Variants in EML1 observed in about 807,000 individuals in gnomAD.
EML1 encodes the protein echinoderm microtubule-associated protein-like 1.
A neutral mutation model predicts 110.4 loss-of-function variants in EML1; 27 were observed. That is an observed-to-expected ratio of 0.24 (90% confidence interval 0.18 to 0.34). The LOEUF (loss-of-function observed/expected upper bound fraction) is 0.34. Ranked by LOEUF, EML1 falls within the 10% of genes least tolerant of loss-of-function variation. EML1 has a pLI of 1.00. For missense variants in EML1, 741 were observed against 1,030.9 expected (o/e 0.72, Z 3.85); for synonymous variants, 344 against 385.8 (o/e 0.89, Z 1.27).
intron 9 of EML1, 135 bp downstream of exon 9, chr14:99,901,174 TG>T (rs2059757162): frequency 7.0e-6 from 5 of 717,890 alleles, no homozygotes; most frequent in Non-Finnish European, 1.2e-5. Flanking sequence ...GAAACATTCC[TG>T]CTTCCCAGAA....
intron 3 of EML1, chr14:99,875,068 A>G: frequency 2.2e-6 from 3 of 1,385,992 alleles, no homozygotes; most frequent in South Asian, 2.4e-5. Context: ...AGTAGCTTCA[A>G]GGTCTTGTCC....
chr14:99,856,656 C>T (rs571695334), intron 2 of EML1, among the ~76,000 whole-genome samples: 4 of 152,294 alleles, frequency 2.6e-5, no homozygotes, highest in African/African-American at 9.6e-5. Context: ...TTGTTTCTCT[C>T]ATTAGCTGCC....
intron 1 of EML1, among the ~76,000 whole-genome samples, chr14:99,765,452 A>G (rs984784082): frequency 1.4e-4 from 22 of 152,218 alleles, no homozygotes; most frequent in African/African-American, 4.1e-4. Flanking sequence ...CTCTAGGTAC[A>G]TCATGTGAGT....
At chr14:99,852,488 G>GC (rs913389527) in intron 2 of EML1, among the ~76,000 whole-genome samples, 1 of 152,150 alleles carries the variant, frequency 6.6e-6, no homozygotes, top group African/African-American at 2.4e-5. Flanking sequence ...GGTAGCAAGT[G>GC]CCCGTGGTCC....
rs117724988 is a variant in EML1 at position 99,748,797 on chromosome 14, A to C, written c.28+10937A>C. On this transcript the variant is annotated intron_variant, in intron 1 of 10. Coordinates refer to the EML1 transcript ENST00000554479. ...TCCGTCGTCCACGGAAAAATCCAATACCCATTAGTAGCGACCCCTTCTAGC... is the reference window on the plus strand; with the variant it reads ...TCCGTCGTCCACGGAAAAATCCAATCCCCATTAGTAGCGACCCCTTCTAGC... 6.0e-4 allele frequency among the ~76,000 whole-genome samples: 92 copies of C among 152,264 alleles called. No individual in the cohort carries two copies. In the East Asian group the frequency reaches 0.017, roughly 28 times the overall value.
chr14:99,808,360 T>C (rs1307501233), intron 1 of EML1, among the ~76,000 whole-genome samples: 1 of 152,194 alleles, frequency 6.6e-6, no homozygotes, highest in Non-Finnish European at 1.5e-5. Flanking sequence ...TAAATTATTA[T>C]AAGAGACAAG....
chr14:99,768,823 T>C (rs912496549), upstream of EML1, among the ~76,000 whole-genome samples: 72 of 151,920 alleles, frequency 4.7e-4, no homozygotes, highest in African/African-American at 1.7e-3. Flanking sequence ...GTTCAAGTGA[T>C]TGTCCTGCCT....
intron 17 of EML1, among the ~76,000 whole-genome samples, chr14:99,928,385 C>G (rs2060306074): frequency 6.6e-6 from 1 of 151,974 alleles, no homozygotes; most frequent in Non-Finnish European, 1.5e-5. Flanking sequence ...TACTTGTTCT[C>G]TGGCATAACA....
At chr14:99,916,052 A>G (rs1393932898) in intron 15 of EML1, among the ~76,000 whole-genome samples, 2 of 152,224 alleles carry the variant, frequency 1.3e-5, no homozygotes, top group Non-Finnish European at 2.9e-5. Flanking sequence ...GAACAGTGTT[A>G]TATGTTCTAC....
intron 1 of EML1, among the ~76,000 whole-genome samples, chr14:99,777,420 T>C (rs896243649): frequency 6.6e-6 from 1 of 152,160 alleles, no homozygotes; most frequent in Non-Finnish European, 1.5e-5. Context: ...TTTTTTTGTT[T>C]CTTTTTGTTT....
chr14:99,826,257 C>T (rs1405918271), intron 1 of EML1, among the ~76,000 whole-genome samples: 3 of 151,950 alleles, frequency 2.0e-5, no homozygotes, highest in Non-Finnish European at 2.9e-5. Flanking sequence ...GGATTACAGG[C>T]ATGTGCCACC....
upstream of EML1, chr14:99,793,310 C>T (rs2057703281): frequency 6.7e-6 from 6 of 895,906 alleles, no homozygotes; most frequent in Non-Finnish European, 8.0e-6. Context: ...CGCGCGGCTG[C>T]GGCGGCGGCG....
At chr14:99,852,215 C>T (rs2058822040) in intron 2 of EML1, among the ~76,000 whole-genome samples, 1 of 152,220 alleles carries the variant, frequency 6.6e-6, no homozygotes, top group Non-Finnish European at 1.5e-5. Flanking sequence ...TAGCCAGAAT[C>T]ACTCTTCCTC....
At chr14:99,916,136 C>CT (rs2060031234) in intron 15 of EML1, among the ~76,000 whole-genome samples, 1 of 152,244 alleles carries the variant, frequency 6.6e-6, no homozygotes, top group Admixed American at 6.5e-5. Context: ...TTTAGCCTAA[C>CT]ATAAGGGTTG....
chr14:99,857,088 A>G (rs1003765801), intron 2 of EML1, among the ~76,000 whole-genome samples: 2 of 152,188 alleles, frequency 1.3e-5, no homozygotes, highest in Non-Finnish European at 2.9e-5. Flanking sequence ...CCTGGGCAAC[A>G]TGGTGAAACC....
At chr14:99,830,965 A>G (rs747796371) in intron 1 of EML1, among the ~76,000 whole-genome samples, 1 of 152,108 alleles carries the variant, frequency 6.6e-6, no homozygotes, top group Non-Finnish European at 1.5e-5. Flanking sequence ...ACTCCTTTTG[A>G]TTCTTTAAAA....
chr14:99,793,131 G>A (rs905546949), upstream of EML1, among the ~76,000 whole-genome samples: 2 of 149,574 alleles, frequency 1.3e-5, no homozygotes, highest in African/African-American at 2.4e-5. Flanking sequence ...AGGGGACAGC[G>A]GGCGGCAGAC....
At position 99,776,614 on chromosome 14, in the gene EML1, C is replaced by T. The variant is rs149234070; in HGVS notation, c.-27+2601C>T. On this transcript the variant is annotated intron_variant, in intron 1 of 22. Transcript: ENST00000327921. ...GATATAACTAGCTTTTACTACAGGA[C>T]GTCAGTAAAAGTGCACAAAATAATG... Among the ~76,000 whole-genome samples, 665 of 152,064 alleles carry T rather than the reference C, an allele frequency of 4.4e-3. 1 individual carries two copies. Among genetic ancestry groups the T allele is most frequent in the African/African-American group, 0.015 (623 of 41,478 alleles).
intron 2 of EML1, among the ~76,000 whole-genome samples, chr14:99,863,638 G>A (rs2059041367): frequency 6.6e-6 from 1 of 152,172 alleles, no homozygotes; most frequent in Non-Finnish European, 1.5e-5. Flanking sequence ...CTTTCCCTTA[G>A]CAATGTGGAT....
Sources: allele counts gnomAD v4.1 joint callset (sites outside exome capture counted in the v4.1 genomes callset), GRCh38; gene constraint gnomAD v4.1.1; transcripts MANE v1.5; gene names NCBI Gene and HGNC (gene_info 2026-07-23, HGNC 2026-07-21).